SEC24B: variants seen among roughly 807,000 people sequenced by gnomAD.
SEC24B encodes the protein SEC24 homolog B, COPII component.
A neutral mutation model predicts 142.8 loss-of-function variants in SEC24B; 45 were observed. The observed-to-expected ratio is 0.32, with a 90% CI of 0.25 to 0.40. The LOEUF (loss-of-function observed/expected upper bound fraction) is 0.40, where lower values mean the gene tolerates loss of function less well. Among genes scored for constraint, SEC24B ranks in the 10% least tolerant of loss-of-function variants. The pLI is 1.00. For synonymous variants in SEC24B, 574 were observed against 568.2 expected, an observed-to-expected ratio of 1.01 and a Z score of -0.15; for missense variants, 1,409 against 1,526.8, an observed-to-expected ratio of 0.92 and a Z score of 1.29.
In SEC24B at chr4:109,472,989, GTT is replaced by G. The variant is rs752681376; in HGVS notation, c.878-13_878-12del. 3.3e-5 allele frequency: 49 copies of G among 1,471,920 alleles called. No homozygotes were observed. The East Asian group carries it at 9.2e-4, about 28-fold the overall frequency. 91.2% of individuals were successfully genotyped at this position (1,471,920 alleles called of 1,614,324 possible). A position where few individuals can be genotyped will look rare whatever the true frequency, so the allele number is the denominator to read the frequency against. ...ATTTCAAGTTTCTGTGGATGAAATA[GTT>G]TCTTCTCTTCAGTTGCAGATTCTTT... On this transcript the variant is annotated splice_polypyrimidine_tract_variant and intron_variant, in intron 2 of 23. Transcript: ENST00000265175.
intron 18 of SEC24B, 30 bp from the exon 19 acceptor site, chr4:109,530,259 A>G: frequency 6.3e-7 from 1 of 1,596,434 alleles, no homozygotes; most frequent in South Asian, 1.1e-5. Context: ...TCTAATGGTT[A>G]AAATACCTTT....
chr4:109,494,065 G>C (rs1735286430), intron 5 of SEC24B, among the ~76,000 whole-genome samples: 1 of 152,124 alleles, frequency 6.6e-6, no homozygotes, highest in Admixed American at 6.5e-5. Context: ...TTTATTGCTT[G>C]CTTTGTTTTG....
intron 14 of SEC24B, among the ~76,000 whole-genome samples, chr4:109,522,633 A>G (rs1383286790): frequency 6.6e-6 from 1 of 152,258 alleles, no homozygotes; most frequent in Non-Finnish European, 1.5e-5. Context: ...TTATGAAGAT[A>G]ACACAGATCA....
chr4:109,500,065 G>A (rs1578909100), intron 6 of SEC24B, among the ~76,000 whole-genome samples: 1 of 152,214 alleles, frequency 6.6e-6, no homozygotes, highest in South Asian at 2.1e-4. Context: ...GTGTGTGTTT[G>A]TGTATTCATT....
intron 7 of SEC24B, among the ~76,000 whole-genome samples, chr4:109,507,427 T>A (rs562024420): frequency 6.6e-6 from 1 of 150,384 alleles, no homozygotes; most frequent in African/African-American, 2.4e-5. Context: ...GTGTGCACCA[T>A]GATGCGTGTC....
intron 21 of SEC24B, 89 bp from the exon 22 acceptor site, chr4:109,533,504 A>G: frequency 1.2e-6 from 1 of 818,404 alleles, no homozygotes; most frequent in Non-Finnish European, 2.1e-6. Context: ...GTTTGTTTCT[A>G]CCTTATTTGA....
In SEC24B at chr4:109,433,941, C is replaced by T. The variant is rs570129880; in HGVS notation, c.72C>T (p.Ala24=). 3 of 1,274,596 alleles carry T rather than the reference C, an allele frequency of 2.4e-6. No individual in the cohort carries two copies. The highest frequency in any genetic ancestry group is 3.0e-6 in the Non-Finnish European group (3 of 1,012,048). The allele number at this position is 1,274,596 out of a possible 1,614,324, so 79.0% of individuals were successfully genotyped here. A position where few individuals can be genotyped will look rare whatever the true frequency, so the allele number is the denominator to read the frequency against. The change falls in exon 1 of 24, where the codon GCC becomes GCT. Residue 24 remains alanine (A), a synonymous_variant. Transcript: ENST00000265175. ...TCCCGCCCAAGTTCGGCGGAGCGGC[C>T]GTCTCAGGAGCCGCAGCGCCCGCGG... is the stretch of plus-strand genomic sequence containing the variant. The part of the protein sequence containing the change: ...ARIPPKFGGA[A]VSGAAAPAGP...
In SEC24B at chr4:109,526,137, C is replaced by T. The variant is rs796253730; in HGVS notation, c.2792-89C>T. The T allele has an allele frequency of 9.5e-6, 12 of 1,259,142 alleles. No homozygotes were observed. In the African/African-American group the frequency reaches 1.7e-4, roughly 17 times the overall value. The allele number at this position is 1,259,142 out of a possible 1,614,324, so 78.0% of individuals were successfully genotyped here. The stretch of plus-strand genomic sequence containing the variant: ...CCCAGTTATCCTTTTGATTCAAAAT[C>T]ATAAACATCTTTGACTTAAAAAAGT... On this transcript the variant is annotated intron_variant, in intron 16 of 23. Coordinates refer to ENST00000265175, the MANE Select transcript of SEC24B (RefSeq NM_006323.5).
chr4:109,471,116 C>G (rs1732478854), intron 2 of SEC24B, among the ~76,000 whole-genome samples: 1 of 152,048 alleles, frequency 6.6e-6, no homozygotes, highest in Admixed American at 6.6e-5. Context: ...TCAATACATA[C>G]ATGTACGTAC....
chr4:109,482,195 G>C (rs1350093418), intron 4 of SEC24B, among the ~76,000 whole-genome samples: 5 of 152,188 alleles, frequency 3.3e-5, no homozygotes, highest in African/African-American at 1.2e-4. Context: ...TTTTATAATA[G>C]GGATAGAGAA....
rs780039329 is a variant in SEC24B at position 109,506,362 on chromosome 4, T to C, written c.1523T>C (p.Ile508Thr). 39 of 1,604,326 alleles carry C rather than the reference T, an allele frequency of 2.4e-5. No homozygotes were observed. The highest frequency in any genetic ancestry group is 3.1e-5 in the Non-Finnish European group (37 of 1,175,162). ...GGTGTGAACCAGCTATCCTCCAGTA[T>C]AGGAGGATTGAGTCTTCAGAGTTCT... ...YPGVNQLSSS[I>T]GGLSLQSSPQ... is the part of the protein sequence containing the mutation. The change falls in exon 7 of 24, where the codon ATA becomes ACA. Residue 508 changes from isoleucine (I) to threonine (T), a missense_variant. This residue lies in a region of SEC24B where 709 missense variants were observed against 673.5 expected (regional missense o/e 1.05). Transcript: ENST00000265175.
At chr4:109,499,609 G>T (rs35594044) in intron 6 of SEC24B, among the ~76,000 whole-genome samples, 26,585 of 152,178 alleles carry the variant, frequency 0.17, 2,617 homozygotes, top group African/African-American at 0.27. Context: ...GGTCCCATAA[G>T]ATTATAATGG....
chr4:109,459,129 G>C (rs1360407834), intron 1 of SEC24B, among the ~76,000 whole-genome samples: 1 of 152,166 alleles, frequency 6.6e-6, no homozygotes, highest in African/African-American at 2.4e-5. Context: ...CGAAAAAATA[G>C]TTCTTTCTTG....
At chr4:109,477,199 C>T (rs1302500179) in intron 3 of SEC24B, among the ~76,000 whole-genome samples, 1 of 151,062 alleles carries the variant, frequency 6.6e-6, no homozygotes, top group Non-Finnish European at 1.5e-5. Context: ...GTACCCAGGC[C>T]CATTGCACAC....
intron 6 of SEC24B, among the ~76,000 whole-genome samples, chr4:109,498,396 C>T (rs1488750314): frequency 2.6e-5 from 4 of 152,130 alleles, no homozygotes; most frequent in South Asian, 2.1e-4. Flanking sequence ...CTTGCTCTGT[C>T]GCCCAGGCTG....
In SEC24B at chr4:109,529,331, G is replaced by T. The variant is rs141086327; in HGVS notation, c.3077-958G>T. Among the ~76,000 whole-genome samples, 658 of 152,034 alleles carry T rather than the reference G, an allele frequency of 4.3e-3. 11 individuals carry two copies. Among genetic ancestry groups the T allele is most frequent in the Non-Finnish European group, 1.3e-3 (88 of 67,998 alleles). Reference sequence around the variant, plus strand: ...GAATCAGTTGTACCCCAAACCTCAGGATTCAGATTTTTTAAGTATAATTTT... The same window carrying T: ...GAATCAGTTGTACCCCAAACCTCAGTATTCAGATTTTTTAAGTATAATTTT... On this transcript the variant is annotated intron_variant, in intron 18 of 23. Transcript: ENST00000265175.
chr4:109,507,834 A>G (rs1476962761), intron 7 of SEC24B, among the ~76,000 whole-genome samples: 6 of 151,166 alleles, frequency 4.0e-5, no homozygotes, highest in Non-Finnish European at 8.9e-5. Context: ...TAGTAGAGAC[A>G]GGGTTTCTGC....
intron 18 of SEC24B, among the ~76,000 whole-genome samples, chr4:109,528,587 T>A (rs1724529148): frequency 6.6e-6 from 1 of 152,188 alleles, no homozygotes; most frequent in Non-Finnish European, 1.5e-5. Flanking sequence ...GTGATGGAAC[T>A]ATTGTGTATC....
chr4:109,453,498 G>T (rs1017600467), intron 1 of SEC24B, among the ~76,000 whole-genome samples: 7 of 126,140 alleles, frequency 5.5e-5, no homozygotes, highest in African/African-American at 2.2e-4. Flanking sequence ...ACTGGGGAAA[G>T]AATTCAGCGA....
Sources: gnomAD v4.1 joint callset for allele counts (sites outside exome capture counted in the v4.1 genomes callset) on GRCh38, gnomAD v4.1.1 for gene constraint, gnomAD v4.1.1 regional missense constraint, MANE v1.5 for transcripts, NCBI Gene and HGNC (gene_info 2026-07-23, HGNC 2026-07-21) for gene names.